Variants in XRCC5 observed in about 807,000 individuals in gnomAD.
XRCC5 encodes the protein X-ray repair cross complementing 5, also known as DNA repair protein Ku80.
In XRCC5, 12 loss-of-function variants were observed where a neutral mutation model predicts 95.7. The ratio of observed to expected loss-of-function variants is 0.13; its 90% CI spans 0.08 to 0.20. The LOEUF is 0.20. Ranked by LOEUF, XRCC5 falls within the 10% of genes least tolerant of loss-of-function variation. The pLI is 1.00. For synonymous variants in XRCC5, 281 were observed against 290.3 expected, an observed-to-expected ratio of 0.97 and a Z score of 0.33; for missense variants, 595 against 873.9, an observed-to-expected ratio of 0.68 and a Z score of 4.02.
intron 14 of XRCC5, among the ~76,000 whole-genome samples, chr2:216,153,333 C>T (rs538792105): frequency 1.3e-5 from 2 of 152,334 alleles, no homozygotes; most frequent in African/African-American, 4.8e-5. Context: ...GCAGCTCCCT[C>T]TCAGATTCCT....
chr2:216,118,861 A>G (rs1216537544), intron 4 of XRCC5, among the ~76,000 whole-genome samples, 182 bp from the exon 5 acceptor site: 1 of 152,234 alleles, frequency 6.6e-6, no homozygotes, highest in Non-Finnish European at 1.5e-5. Flanking sequence ...TGTTCAAAGT[A>G]TAAAGTGTAT....
At position 216,146,342 on chromosome 2, in the gene XRCC5, C is replaced by G; in HGVS notation, c.1477-1741C>G. 4.7e-5 allele frequency among the ~76,000 whole-genome samples: 7 copies of G among 148,816 alleles called. 2 individuals are homozygous for G. The South Asian group carries it at 1.5e-3, about 31-fold the overall frequency. ...GGATGATACTATTAAACCTAAGCAT[C>G]TTTTATTTTTTTAGAATAGAAACTT... is the stretch of plus-strand genomic sequence containing the variant. On this transcript the variant is annotated intron_variant, in intron 13 of 20. Transcript: ENST00000392132.
At chr2:216,118,878 T>C (rs1336462884) in intron 4 of XRCC5, among the ~76,000 whole-genome samples, 165 bp from the exon 5 acceptor site, 1 of 152,250 alleles carries the variant, frequency 6.6e-6, no homozygotes, top group Non-Finnish European at 1.5e-5. Flanking sequence ...GTATCAGGGT[T>C]GATTATGAAT....
chr2:216,195,006 TG>T lies in XRCC5; in HGVS notation c.2109+21del, dbSNP rs767015160. ...AAAAAGGTATTGAGGGGTAAACCTT[TG>T]TCTTTAGTTGAATTATTATAGTGGA... On this transcript the variant is annotated intron_variant, in intron 19 of 20. Transcript: ENST00000392132. 6.2e-7 allele frequency: 1 copy of T among 1,611,564 alleles called. No homozygotes were observed. The highest frequency in any genetic ancestry group is 1.3e-5 in the African/African-American group (1 of 74,956).
intron 18 of XRCC5, among the ~76,000 whole-genome samples, chr2:216,194,458 G>T (rs562605520): frequency 5.3e-5 from 8 of 152,232 alleles, no homozygotes; most frequent in African/African-American, 1.9e-4. Context: ...CCATTTCAAA[G>T]GAATAAACAA....
intron 10 of XRCC5, 43 bp from the exon 11 acceptor site, chr2:216,137,045 T>C (rs1278969330): frequency 1.3e-6 from 2 of 1,586,904 alleles, no homozygotes; most frequent in South Asian, 1.2e-5. Flanking sequence ...GTGAAAACTC[T>C]CACATGTTGA....
intron 16 of XRCC5, among the ~76,000 whole-genome samples, chr2:216,166,077 A>G (rs1187750332): frequency 6.6e-6 from 1 of 152,042 alleles, no homozygotes; most frequent in Non-Finnish European, 1.5e-5. Context: ...CTCCCTACCC[A>G]TCACCATTCT....
intron 16 of XRCC5, among the ~76,000 whole-genome samples, chr2:216,165,653 A>G (rs542188782): frequency 6.6e-6 from 1 of 152,300 alleles, no homozygotes; most frequent in South Asian, 2.1e-4. Context: ...GTCTTCTTTT[A>G]GAGAGATTTC....
Position 216,156,492 on chromosome 2 carries a change from G to A in XRCC5, c.1671-3576G>A, listed in dbSNP as rs538521915. 1.5e-4 allele frequency: 96 copies of A among 646,676 alleles called. 1 individual carries two copies. Among genetic ancestry groups the A allele is most frequent in the Non-Finnish European group, 2.5e-4 (83 of 333,114 alleles). The allele number at this position is 646,676 out of a possible 1,614,324, so 40.1% of individuals were successfully genotyped here. A position where few individuals can be genotyped will look rare whatever the true frequency, so the allele number is the denominator to read the frequency against. On this transcript the variant is annotated intron_variant, in intron 14 of 20. Coordinates refer to ENST00000392132, the MANE Select transcript of XRCC5 (RefSeq NM_021141.4). ...CTACATAAGCCTCATCGATGCTGAC[G>A]CATTCAATCACAGCAAAACAAGACT...
Position 216,116,667 on chromosome 2 carries a change from T to G in XRCC5, c.144T>G (p.Ala48=). 1 of 1,614,184 alleles carries G rather than the reference T, an allele frequency of 6.2e-7. No homozygotes were observed. Among genetic ancestry groups the G allele is most frequent in the Non-Finnish European group, 8.5e-7 (1 of 1,180,010 alleles). ...CTGACATTTTTTTCTAGGTGTTTGC[T>G]GAGAACAAGGATGAGATTGCTTTAG... is the stretch of plus-strand genomic sequence containing the variant. The part of the protein sequence containing the change: ...ITMFVQRQVF[A]ENKDEIALVL... The change falls in exon 3 of 21, where the codon GCT becomes GCG. Residue 48 remains alanine (A), a synonymous_variant. Coordinates refer to ENST00000392132, the MANE Select transcript of XRCC5 (RefSeq NM_021141.4).
At position 216,155,236 on chromosome 2, in the gene XRCC5, CA is replaced by C. The variant is rs10674711; in HGVS notation, c.1671-4813del. On this transcript the variant is annotated intron_variant, in intron 14 of 20. Transcript: ENST00000392132. ...GGGCAACATAGTGAGACTCCCATCT[CA>C]AAAAAAAAAAAAAAAAAAGACAAGG... is the stretch of plus-strand genomic sequence containing the variant. Among the ~76,000 whole-genome samples, 656 of 80,432 alleles carry C rather than the reference CA, an allele frequency of 8.2e-3. 1 individual carries two copies. Among genetic ancestry groups the C allele is most frequent in the South Asian group, 0.032 (68 of 2,134 alleles). The allele number at this position is 80,432 out of a possible 152,430, so 52.8% of individuals were successfully genotyped here. A position where few individuals can be genotyped will look rare whatever the true frequency, so the allele number is the denominator to read the frequency against.
Position 216,148,213 on chromosome 2 carries a change from T to C in XRCC5, c.1607T>C (p.Leu536Pro). 6.2e-7 allele frequency: 1 copy of C among 1,612,776 alleles called. No individual in the cohort carries two copies. The highest frequency in any genetic ancestry group is 1.1e-5 in the South Asian group (1 of 90,958). ...SQIPLSKIKT[L>P]FPLIEAKKKD... ...ATTCCTCTCTCTAAAATAAAGACCC[T>C]TTTTCCTCTGATTGAAGCCAAGAAA... Residue 536 changes from leucine (L) to proline (P), a missense_variant, in exon 14 of 21, where the codon CTT (leucine) becomes CCT (proline). By Grantham distance (98) the Leu-to-Pro change is moderately conservative (BLOSUM62 -3). Around this residue, in one of 2 missense-constraint regions of XRCC5, gnomAD observed 309 missense variants for 382.9 expected, o/e 0.81. Transcript: ENST00000392132.
intron 19 of XRCC5, among the ~76,000 whole-genome samples, chr2:216,203,215 A>G (rs1487691353): frequency 6.6e-6 from 1 of 152,194 alleles, no homozygotes; most frequent in Non-Finnish European, 1.5e-5. Context: ...CTCAGCCTGA[A>G]GAATGCCAGA....
At chr2:216,192,589 T>C in intron 17 of XRCC5, 50 bp from the exon 18 acceptor site, 1 of 1,363,712 alleles carries the variant, frequency 7.3e-7, no homozygotes, top group Non-Finnish European at 1.0e-6. Flanking sequence ...GAATTTGTTT[T>C]TGTGTTTGCT....
rs1689922751 is a variant in XRCC5 at position 216,205,260 on chromosome 2, A to C, written c.*58A>C. On this transcript the variant is annotated 3_prime_UTR_variant, in exon 21 of 21. Transcript: ENST00000392132. Reference sequence around the variant, plus strand: ...CCATCGCTGTGATGCTGGGAGTTCTAACAAAACAAGTTGGATGCGGCCATT... The same window carrying C: ...CCATCGCTGTGATGCTGGGAGTTCTCACAAAACAAGTTGGATGCGGCCATT... 6.2e-7 allele frequency: 1 copy of C among 1,611,882 alleles called. No homozygotes were observed. The highest frequency in any genetic ancestry group is 8.5e-7 in the Non-Finnish European group (1 of 1,178,096).
At position 216,190,373 on chromosome 2, in the gene XRCC5, TG is replaced by T. The variant is rs748296901; in HGVS notation, c.1944+41del. 5.7e-6 allele frequency: 9 copies of T among 1,571,604 alleles called. No individual in the cohort carries two copies. The Middle Eastern group carries it at 6.7e-4, about 117-fold the overall frequency. On this transcript the variant is annotated intron_variant, in intron 17 of 20. Coordinates refer to ENST00000392132, the MANE Select transcript of XRCC5 (RefSeq NM_021141.4). ...AGCATCTCTTTTCTTCCTAAACAGTTGGCGACTATCACAGGGAAAGAGGCAT... is the reference window on the plus strand; with the variant it reads ...AGCATCTCTTTTCTTCCTAAACAGTTGCGACTATCACAGGGAAAGAGGCAT...
intron 20 of XRCC5, among the ~76,000 whole-genome samples, chr2:216,204,843 T>A (rs1689912712): frequency 6.6e-6 from 1 of 152,206 alleles, no homozygotes; most frequent in South Asian, 2.1e-4. Flanking sequence ...ATTTGAGGAT[T>A]TCTGGACCCC....
chr2:216,185,178 C>T (rs943305458), intron 16 of XRCC5, among the ~76,000 whole-genome samples: 7 of 152,150 alleles, frequency 4.6e-5, no homozygotes, highest in South Asian at 2.1e-4. Flanking sequence ...TTACCAATCC[C>T]GGGGTTACAG....
intron 16 of XRCC5, among the ~76,000 whole-genome samples, chr2:216,187,821 ACT>A (rs371097633): frequency 0.032 from 1,531 of 47,666 alleles, 3 homozygotes; most frequent in Non-Finnish European, 0.037. Flanking sequence ...ACACACACAC[ACT>A]CTCTCTCTCT....
Sources: gnomAD v4.1 joint callset for allele counts (sites outside exome capture counted in the v4.1 genomes callset) on GRCh38, gnomAD v4.1.1 for gene constraint, gnomAD v4.1.1 regional missense constraint, MANE v1.5 for transcripts, NCBI Gene and HGNC (gene_info 2026-07-23, HGNC 2026-07-21) for gene names.